Variants in LAMA2 observed in about 807,000 individuals in gnomAD.
LAMA2 encodes the protein laminin subunit alpha-2.
LAMA2 carries 269 observed loss-of-function variants against 364.8 expected under a neutral mutation model. The ratio of observed to expected loss-of-function variants is 0.74; its 90% CI spans 0.67 to 0.82. The LOEUF (loss-of-function observed/expected upper bound fraction) is 0.82, where lower values mean the gene tolerates loss of function less well. LAMA2 is among the 40% of genes least tolerant of loss of function. The probability of loss-of-function intolerance (pLI) is 0.00; values close to 1 mark genes in which losing one functional copy is unlikely to be tolerated. For missense variants in LAMA2, 3,807 were observed against 3,873.2 expected, an observed-to-expected ratio of 0.98 and a Z score of 0.45; for synonymous variants, 1,379 against 1,370.6, an observed-to-expected ratio of 1.01 and a Z score of -0.14.
At chr6:129,036,664 A>T (rs960468487) in intron 1 of LAMA2, among the ~76,000 whole-genome samples, 1 of 152,134 alleles carries the variant, frequency 6.6e-6, no homozygotes, top group African/African-American at 2.4e-5. Context: ...AAAAGAGCCC[A>T]CAGCAGCTCA....
intron 41 of LAMA2, 103 bp from the exon 42 acceptor site, chr6:129,438,543 T>G: frequency 1.6e-6 from 1 of 632,886 alleles, no homozygotes; most frequent in South Asian, 1.8e-5. Flanking sequence ...ATTTTCTTGC[T>G]TTTAATTAAT....
At chr6:129,499,636 C>T (rs1308761863) in intron 58 of LAMA2, among the ~76,000 whole-genome samples, 1 of 152,138 alleles carries the variant, frequency 6.6e-6, no homozygotes, top group Non-Finnish European at 1.5e-5. Context: ...GCAGCTCCAC[C>T]CACTGTGGGA....
chr6:128,917,706 T>C (rs530604123), intron 1 of LAMA2, among the ~76,000 whole-genome samples: 270 of 98,416 alleles, frequency 2.7e-3, no homozygotes, highest in African/African-American at 9.7e-3. Context: ...TTTCTTTTTT[T>C]TTTCTTTCTT....
At chr6:129,511,402 T>C (rs1289690764) in intron 62 of LAMA2, among the ~76,000 whole-genome samples, 1 of 152,142 alleles carries the variant, frequency 6.6e-6, no homozygotes, top group Non-Finnish European at 1.5e-5. Flanking sequence ...TTTCGTTTAT[T>C]TCCAGAAGGG....
At chr6:129,469,200 A>G (rs1262937494) in intron 51 of LAMA2, among the ~76,000 whole-genome samples, 1 of 151,972 alleles carries the variant, frequency 6.6e-6, no homozygotes, top group Admixed American at 6.6e-5. Flanking sequence ...GATTTTAAGT[A>G]GAGATGTGAC....
chr6:129,381,654 G>A (rs1778696941), intron 34 of LAMA2, among the ~76,000 whole-genome samples: 1 of 152,102 alleles, frequency 6.6e-6, no homozygotes, highest in Non-Finnish European at 1.5e-5. Context: ...GGGACTGGAT[G>A]CACAGTTTAT....
chr6:129,074,161 C>T (rs576511304), intron 3 of LAMA2, among the ~76,000 whole-genome samples: 3 of 152,282 alleles, frequency 2.0e-5, no homozygotes, highest in Middle Eastern at 6.8e-3. Context: ...ACTCTTAACT[C>T]CAAAGTTTGT....
chr6:128,918,539 C>T (rs989207294), intron 1 of LAMA2, among the ~76,000 whole-genome samples: 4 of 152,118 alleles, frequency 2.6e-5, no homozygotes, highest in Non-Finnish European at 5.9e-5. Flanking sequence ...CCTATCCTCC[C>T]GTAAACACTA....
chr6:129,505,922 A>G (rs865920333), intron 61 of LAMA2, among the ~76,000 whole-genome samples: 79 of 152,212 alleles, frequency 5.2e-4, no homozygotes, highest in African/African-American at 1.8e-3. Flanking sequence ...CTTGGTTTGA[A>G]TACCTATTTA....
chr6:129,483,541 CA>C (rs1027439974), intron 55 of LAMA2, among the ~76,000 whole-genome samples: 1 of 151,984 alleles, frequency 6.6e-6, no homozygotes, highest in African/African-American at 2.4e-5. Flanking sequence ...ATTAAAGACT[CA>C]ATATTAAAAA....
intron 3 of LAMA2, among the ~76,000 whole-genome samples, chr6:129,066,266 C>T (rs889264853): frequency 6.6e-6 from 1 of 150,742 alleles, no homozygotes; most frequent in Non-Finnish European, 1.5e-5. Flanking sequence ...GGGATGGTCT[C>T]GATCTCCTGA....
intron 1 of LAMA2, among the ~76,000 whole-genome samples, chr6:128,913,877 C>G (rs1415343086): frequency 6.6e-6 from 1 of 152,072 alleles, no homozygotes. Flanking sequence ...ATATTTTTTA[C>G]ATTATAGCCA....
At chr6:128,965,876 G>T (rs1195843665) in intron 1 of LAMA2, among the ~76,000 whole-genome samples, 2 of 151,214 alleles carry the variant, frequency 1.3e-5, no homozygotes, top group Non-Finnish European at 1.5e-5. Context: ...GAGTGTAAAG[G>T]CAATAAATTA....
At chr6:128,929,825 C>G in intron 1 of LAMA2, 1 of 1,042,676 alleles carries the variant, frequency 9.6e-7, no homozygotes, top group Non-Finnish European at 1.5e-6. Flanking sequence ...GTAGAAGATA[C>G]GCAGTCCCTT....
chr6:129,445,549 G>A, intron 44 of LAMA2, 118 bp from the exon 45 acceptor site: 1 of 858,486 alleles, frequency 1.2e-6, no homozygotes, highest in African/African-American at 1.7e-5. Context: ...TAGCTGTTAT[G>A]GCCATGCTTT....
chr6:129,145,724 T>C (rs1337305541), intron 5 of LAMA2, among the ~76,000 whole-genome samples: 1 of 151,986 alleles, frequency 6.6e-6, no homozygotes, highest in Non-Finnish European at 1.5e-5. Context: ...AATATGTTTT[T>C]TGAAAGTACT....
intron 5 of LAMA2, among the ~76,000 whole-genome samples, chr6:129,145,743 A>G (rs1778394895): frequency 6.6e-6 from 1 of 151,982 alleles, no homozygotes. Flanking sequence ...CTCAAGTTCA[A>G]TAAACACTCA....
intron 12 of LAMA2, among the ~76,000 whole-genome samples, chr6:129,194,635 G>A (rs980733223): frequency 6.6e-6 from 1 of 152,154 alleles, no homozygotes; most frequent in African/African-American, 2.4e-5. Context: ...TTAACAGGGT[G>A]TGCAAATTGT....
At chr6:129,403,764 T>C in intron 39 of LAMA2, 57 bp from the exon 40 acceptor site, 1 of 1,527,608 alleles carries the variant, frequency 6.5e-7, no homozygotes, top group Non-Finnish European at 9.0e-7. Context: ...ATTAGGACGT[T>C]CTTCATTTGA....
Sources: allele counts gnomAD v4.1 joint callset (sites outside exome capture counted in the v4.1 genomes callset), GRCh38; gene constraint gnomAD v4.1.1; transcripts MANE v1.5; gene names NCBI Gene and HGNC (gene_info 2026-07-23, HGNC 2026-07-21).